The following GABRD variants were observed in gnomAD, a reference collection of about 807,000 sequenced individuals.
GABRD encodes the protein gamma-aminobutyric acid type A receptor subunit delta, also known as gamma-aminobutyric acid receptor subunit delta.
In GABRD, 25 loss-of-function variants were observed where a neutral mutation model predicts 47.3. That is an observed-to-expected ratio of 0.53 (90% CI 0.39 to 0.74). The LOEUF (loss-of-function observed/expected upper bound fraction) is 0.74. GABRD is among the 30% of genes least tolerant of loss of function. GABRD has a pLI of 0.00. For missense variants in GABRD, 497 were observed against 643.4 expected (o/e 0.77, Z 2.46); for synonymous variants, 314 against 278.8 (o/e 1.13, Z -1.26).
At chr1:2,024,801 C>T (rs1220118084) in intron 1 of GABRD, 141 bp from the exon 2 acceptor site, 9 of 631,120 alleles carry the variant, frequency 1.4e-5, no homozygotes, top group Non-Finnish European at 2.6e-5. Context: ...GGCCAGGCCC[C>T]CACCTGCAAG....
At chr1:2,020,208 C>G (rs1158697373) in intron 1 of GABRD, among the ~76,000 whole-genome samples, 1 of 152,238 alleles carries the variant, frequency 6.6e-6, no homozygotes, top group Admixed American at 6.5e-5. Flanking sequence ...CAGTGCCCCC[C>G]CATCTCCTCT....
In GABRD at chr1:2,026,331, G is replaced by T. The variant is rs563981702; in HGVS notation, c.470+593G>T. Among the ~76,000 whole-genome samples, 3 of 152,330 alleles carry T rather than the reference G, an allele frequency of 2.0e-5. No homozygotes were observed. In the South Asian group the frequency reaches 6.2e-4, roughly 32 times the overall value. ...CATCCCAGTGGAAGCCGGAGTCAGGGGCGCCTTCTTCTTCATGGCCTAGGC... is the reference window on the plus strand; with the variant it reads ...CATCCCAGTGGAAGCCGGAGTCAGGTGCGCCTTCTTCTTCATGGCCTAGGC... On this transcript the variant is annotated intron_variant, in intron 4 of 8. Transcript: ENST00000378585.
intron 5 of GABRD, chr1:2,027,897 T>C (rs1658972393): frequency 3.2e-6 from 2 of 616,540 alleles, no homozygotes; most frequent in Admixed American, 2.8e-5. Context: ...ATGGCACGGA[T>C]TGATATTGTT....
In GABRD at chr1:2,028,167, C is replaced by A; in HGVS notation, c.566C>A (p.Ser189Ter). 6.2e-7 allele frequency: 1 copy of A among 1,611,364 alleles called. No homozygotes were observed. Among genetic ancestry groups the A allele is most frequent in the South Asian group, 1.1e-5 (1 of 90,996 alleles). Residue 189 changes from serine (S) to a stop codon, truncating the protein, a stop_gained, in exon 6 of 9, where the codon TCG (serine) becomes TAG (stop). Transcript: ENST00000378585. LOFTEE classifies it high-confidence loss of function. The surrounding 1 kb of genome is among the most constrained non-coding windows in gnomAD (Gnocchi z 6.4). ...MLDLESYGYSSEDIVYYWSES... is the reference protein window; with the variant it reads ...MLDLESYGYS ...GCTTTTCCTCCAGACGGTTACTCAT[C>A]GGAGGACATCGTCTACTACTGGTCG...
intron 5 of GABRD, chr1:2,027,873 C>A (rs569557918): frequency 4.8e-6 from 3 of 626,084 alleles, no homozygotes; most frequent in East Asian, 5.5e-5. Flanking sequence ...GGAGCCGGGC[C>A]ATGGAGCCCA....
Position 2,029,310 on chromosome 1 carries a change from C to T in GABRD, c.847+44C>T, listed in dbSNP as rs1411138918. On this transcript the variant is annotated intron_variant, in intron 7 of 8. Transcript: ENST00000378585. ...GCTCCGAGGGAGCTGGAAGGGCGGCCCTGGGGAACAGGACTCCCCATCCCT... is the reference window on the plus strand; with the variant it reads ...GCTCCGAGGGAGCTGGAAGGGCGGCTCTGGGGAACAGGACTCCCCATCCCT... The T allele has an allele frequency of 4.6e-6, 7 of 1,532,672 alleles. 1 individual carries two copies. The highest frequency in any genetic ancestry group is 6.1e-6 in the Non-Finnish European group (7 of 1,142,916). 94.9% of individuals were successfully genotyped at this position (1,532,672 alleles called of 1,614,324 possible). A position where few individuals can be genotyped will look rare whatever the true frequency, so the allele number is the denominator to read the frequency against.
intron 1 of GABRD, among the ~76,000 whole-genome samples, chr1:2,021,670 C>T (rs1263036942): frequency 2.0e-5 from 3 of 152,292 alleles, no homozygotes; most frequent in Admixed American, 6.5e-5. Flanking sequence ...GTGGCCCTCC[C>T]GGGCTGCCGG....
Position 2,029,128 on chromosome 1 carries a change from C to G in GABRD, c.709C>G (p.Leu237Val). ...CCTGGCAGCTGGCCAGTTCCCACGG[C>G]TCAGCCTGCACTTCCACCTGCGGAG... ...NFKSAGQFPR[L>V]SLHFHLRRNR... Residue 237 changes from leucine (L) to valine (V), a missense_variant, in exon 7 of 9, where the codon CTC becomes GTC. Physicochemically the swap from Leu to Val is conservative, Grantham distance 32 (BLOSUM62 1). Around this residue, in one of 3 missense-constraint regions of GABRD, gnomAD observed 285 missense variants for 436.6 expected, o/e 0.65. Coordinates refer to ENST00000378585, the MANE Select transcript of GABRD (RefSeq NM_000815.5). The G allele has an allele frequency of 6.5e-7, 1 of 1,543,176 alleles. No individual in the cohort carries two copies. The highest frequency in any genetic ancestry group is 8.7e-7 in the Non-Finnish European group (1 of 1,147,022).
chr1:2,025,129 G>T, intron 2 of GABRD, 75 bp downstream of exon 2: 1 of 1,379,508 alleles, frequency 7.2e-7, no homozygotes. Flanking sequence ...GGCCCACTGG[G>T]CTGTAGGCTG....
Position 2,025,608 on chromosome 1 carries a change from CG to C in GABRD, c.341del (p.Arg114ProfsTer14), listed in dbSNP as rs1658901306. 7 of 1,613,082 alleles carry C rather than the reference CG, an allele frequency of 4.3e-6. No homozygotes were observed. Among genetic ancestry groups the C allele is most frequent in the Non-Finnish European group, 5.1e-6 (6 of 1,180,006 alleles). The stretch of plus-strand genomic sequence containing the variant: ...CAACGAGACCCTGGGTCTGGACAGC[CG>C]CTTCGTGGACAAGCTGTGGCTGCCC... ...HTNETLGLDS[R>X]FVDKLWLPDT... On this transcript the variant is annotated frameshift_variant, in exon 4 of 9. Transcript: ENST00000378585. LOFTEE classifies it high-confidence loss of function.
At chr1:2,027,283 G>T (rs1014540087) in intron 4 of GABRD, 2 of 483,186 alleles carry the variant, frequency 4.1e-6, no homozygotes, top group African/African-American at 3.9e-5. Context: ...CATCGCTCGG[G>T]CCAGGGCCTG....
intron 4 of GABRD, chr1:2,027,242 ACT>A (rs1470577375): frequency 2.4e-6 from 1 of 408,966 alleles, no homozygotes; most frequent in Non-Finnish European, 4.6e-6. Flanking sequence ...GTGCGTGGCA[ACT>A]CTGGGCCTAT....
chr1:2,025,668 T>C lies in GABRD; in HGVS notation c.400T>C (p.Phe134Leu), dbSNP rs988225589. Residue 134 changes from phenylalanine (F) to leucine (L), a missense_variant, in exon 4 of 9, where the codon TTC (phenylalanine) becomes CTC (leucine). Coordinates refer to ENST00000378585, the MANE Select transcript of GABRD (RefSeq NM_000815.5). Reference protein sequence around the residue: ...TFIVNAKSAWFHDVTVENKLI... With the variant: ...TFIVNAKSAWLHDVTVENKLI... Reference sequence around the variant, plus strand: ...CATCGTGAACGCCAAGTCGGCCTGGTTCCACGACGTGACGGTGGAGAACAA... The same window carrying C: ...CATCGTGAACGCCAAGTCGGCCTGGCTCCACGACGTGACGGTGGAGAACAA... The C allele has an allele frequency of 6.2e-7, 1 of 1,613,008 alleles. No individual in the cohort carries two copies.
rs1239672731 is a variant in GABRD, at chr1:2,028,138, G to A, written c.554-17G>A. On this transcript the variant is annotated splice_polypyrimidine_tract_variant and intron_variant, in intron 5 of 8. Transcript: ENST00000378585. The surrounding 1 kb of genome is among the most constrained non-coding windows in gnomAD (Gnocchi z 6.4). ...CAGGGCCGGGCTCTGCCGCCCACCT[G>A]TGTGCTTTTCCTCCAGACGGTTACT... The A allele has an allele frequency of 2.5e-6, 4 of 1,602,734 alleles. No individual in the cohort carries two copies. Among genetic ancestry groups the A allele is most frequent in the African/African-American group, 2.7e-5 (2 of 74,704 alleles).
chr1:2,027,748 G>T, intron 5 of GABRD, 89 bp downstream of exon 5: 1 of 1,188,218 alleles, frequency 8.4e-7, no homozygotes, highest in Non-Finnish European at 1.2e-6. Flanking sequence ...AGGCTGGCCC[G>T]GCTCAGGATG....
Position 2,027,268 on chromosome 1 carries a change from T to A in GABRD, c.471-309T>A, listed in dbSNP as rs529106686. 148 of 453,992 alleles carry A rather than the reference T, an allele frequency of 3.3e-4. 1 individual carries two copies. Among genetic ancestry groups the A allele is most frequent in the South Asian group, 3.0e-3 (144 of 48,040 alleles). 28.1% of individuals were successfully genotyped at this position (453,992 alleles called of 1,614,324 possible). On this transcript the variant is annotated intron_variant, in intron 4 of 8. Coordinates refer to ENST00000378585, the MANE Select transcript of GABRD (RefSeq NM_000815.5). ...CTCTGGGCCTATTCCCGTGTGTTCC[T>A]CAGCCATCGCTCGGGCCAGGGCCTG...
chr1:2,030,149 C>T lies in GABRD; in HGVS notation c.1226C>T (p.Ser409Leu). ...GETKKEGAAR[S>L]GGQGGIRARL... is the part of the protein sequence containing the mutation. ...ACGAAGAAGGAGGGGGCAGCCCGCT[C>T]AGGAGGCCAGGGGGGCATCCGTGCC... Residue 409 changes from serine (S) to leucine (L), a missense_variant, in exon 9 of 9, where the codon TCA becomes TTA. By Grantham distance (145) the Ser-to-Leu change is moderately radical. Coordinates refer to ENST00000378585, the MANE Select transcript of GABRD (RefSeq NM_000815.5). The T allele has an allele frequency of 1.3e-6, 2 of 1,577,264 alleles. No individual in the cohort carries two copies. Among genetic ancestry groups the T allele is most frequent in the Non-Finnish European group, 1.7e-6 (2 of 1,160,410 alleles).
chr1:2,026,281 T>C (rs1184317814), intron 4 of GABRD, among the ~76,000 whole-genome samples: 1 of 152,190 alleles, frequency 6.6e-6, no homozygotes, highest in Non-Finnish European at 1.5e-5. Flanking sequence ...CCGGCTTCGT[T>C]ACTCAGCATC....
intron 4 of GABRD, 161 bp downstream of exon 4, chr1:2,025,899 C>G (rs1571028473): frequency 1.6e-6 from 1 of 624,960 alleles, no homozygotes; most frequent in East Asian, 2.8e-5. Flanking sequence ...TTTATATCCC[C>G]CGCAGCTGCT....
Sources: gnomAD v4.1 joint callset for allele counts (sites outside exome capture counted in the v4.1 genomes callset) on GRCh38, gnomAD v4.1.1 for gene constraint, gnomAD v4.1.1 regional missense constraint, Gnocchi (gnomAD v3.1) non-coding constraint, MANE v1.5 for transcripts, NCBI Gene and HGNC (gene_info 2026-07-23, HGNC 2026-07-21) for gene names.